CYFIP1: variants seen among roughly 807,000 people sequenced by gnomAD.
The protein encoded by CYFIP1 is cytoplasmic FMR1-interacting protein 1.
A neutral mutation model predicts 163.5 loss-of-function variants in CYFIP1; 58 were observed. The observed-to-expected ratio is 0.35, with a 90% confidence interval of 0.29 to 0.44. The LOEUF (loss-of-function observed/expected upper bound fraction) is 0.44, where lower values mean the gene tolerates loss of function less well. Ranked by LOEUF, CYFIP1 falls within the 20% of genes least tolerant of loss-of-function variation. The pLI is 1.00. For missense variants in CYFIP1, 1,338 were observed against 1,653.8 expected (o/e 0.81, Z 3.31); for synonymous variants, 663 against 660.7 (o/e 1.00, Z -0.05).
chr15:22,923,312 A>G (rs1013610645), intron 13 of CYFIP1, among the ~76,000 whole-genome samples: 2 of 152,194 alleles, frequency 1.3e-5, no homozygotes, highest in African/African-American at 4.8e-5. Context: ...ATCTGAAGAG[A>G]CATTTCTCCA....
rs1001976438 is a variant in CYFIP1 at position 22,910,410 on chromosome 15, C to A, written c.2268+110G>T. On this transcript the variant is annotated intron_variant, in intron 20 of 30. Transcript: ENST00000617928. ...CTCCTAACCTCAGGTGATCCGCCCA[C>A]CTTGGCCTCCCAGTGTTGGGATTAC... is the stretch of plus-strand genomic sequence containing the variant. The A allele has an allele frequency of 3.5e-5, 29 of 827,154 alleles. No homozygotes were observed. The Admixed American group carries it at 4.1e-4, about 12-fold the overall frequency. The allele number at this position is 827,154 out of a possible 1,614,324, so 51.2% of individuals were successfully genotyped here.
chr15:22,919,590 T>C (rs1296803729), intron 13 of CYFIP1, among the ~76,000 whole-genome samples: 1 of 152,146 alleles, frequency 6.6e-6, no homozygotes, highest in Non-Finnish European at 1.5e-5. Context: ...TTACCCCAAG[T>C]CCACCCTGCC....
At chr15:22,925,164 A>T (rs1355077231) in intron 13 of CYFIP1, among the ~76,000 whole-genome samples, 2 of 152,184 alleles carry the variant, frequency 1.3e-5, no homozygotes, top group African/African-American at 4.8e-5. Flanking sequence ...TCCTGTCATG[A>T]TCCATAGGAT....
At chr15:22,900,647 G>A (rs1265556036) in intron 22 of CYFIP1, among the ~76,000 whole-genome samples, 6 of 151,448 alleles carry the variant, frequency 4.0e-5, no homozygotes, top group South Asian at 2.1e-4. Context: ...GGATCTGCCC[G>A]CCTCGGCCTC....
chr15:22,918,665 C>G, intron 14 of CYFIP1, 27 bp downstream of exon 14: 1 of 1,533,658 alleles, frequency 6.5e-7, no homozygotes, highest in South Asian at 1.3e-5. Flanking sequence ...GTGGGCACAG[C>G]GGGCACAGGG....
chr15:22,928,080 C>T, intron 11 of CYFIP1, 52 bp from the exon 12 acceptor site: 2 of 1,439,714 alleles, frequency 1.4e-6, no homozygotes, highest in Non-Finnish European at 9.1e-7. Flanking sequence ...CACCCAGCTC[C>T]CCCCATCCCG....
Position 22,971,546 on chromosome 15 carries a change from C to A in CYFIP1, c.-7+8741G>T, listed in dbSNP as rs1445025435. Reference sequence around the variant, plus strand: ...AATTAGCCAGGCGTGGTAGTGGGCGCCTGTAATCCCAGCTTGAGTAGCTTG... The same window carrying A: ...AATTAGCCAGGCGTGGTAGTGGGCGACTGTAATCCCAGCTTGAGTAGCTTG... On this transcript the variant is annotated intron_variant, in intron 1 of 30. Coordinates refer to ENST00000617928, the MANE Select transcript of CYFIP1 (RefSeq NM_014608.6). 2.6e-5 allele frequency among the ~76,000 whole-genome samples: 4 copies of A among 152,046 alleles called. No homozygotes were observed. The South Asian group carries it at 8.3e-4, about 32-fold the overall frequency.
Position 22,939,556 on chromosome 15 carries a change from T to TAAAAA in CYFIP1, c.570-50_570-49insTTTTT, listed in dbSNP as rs1567003004. 2.1e-4 allele frequency: 88 copies of TAAAAA among 410,744 alleles called. 1 individual carries two copies. The highest frequency in any genetic ancestry group is 1.8e-3 in the Middle Eastern group (2 of 1,114). The allele number at this position is 410,744 out of a possible 1,614,324, so 25.4% of individuals were successfully genotyped here. ...CCCAAAATGCACCAACGTGCCACATTTAAAAAAAAAAAAAAAAAAAAAAAA... is the reference window on the plus strand; with the variant it reads ...CCCAAAATGCACCAACGTGCCACATTAAAAATAAAAAAAAAAAAAAAAAAAAAAAA... On this transcript the variant is annotated intron_variant, in intron 6 of 30. Coordinates refer to ENST00000617928, the MANE Select transcript of CYFIP1 (RefSeq NM_014608.6).
At chr15:22,959,778 C>T (rs1212917171) in intron 1 of CYFIP1, among the ~76,000 whole-genome samples, 1 of 152,172 alleles carries the variant, frequency 6.6e-6, no homozygotes, top group Admixed American at 6.5e-5. Context: ...GCGATCGAGC[C>T]CCGTGCTCCC....
chr15:22,927,173 A>G, intron 12 of CYFIP1, among the ~76,000 whole-genome samples: 1 of 152,142 alleles, frequency 6.6e-6, no homozygotes, highest in Non-Finnish European at 1.5e-5. Flanking sequence ...TGTCTGTACA[A>G]AAAAAACCAA....
In CYFIP1 at chr15:22,918,779, A is replaced by G. The variant is rs770598255; in HGVS notation, c.1439T>C (p.Val480Ala). The G allele has an allele frequency of 2.5e-5, 40 of 1,613,298 alleles. No individual in the cohort carries two copies. ...GGAGAAGTCCTGCAGTGCGGCATAG[A>G]CGGTGTGCCGGATGGCGTGGTTGAA... Reference protein sequence around the residue: ...SVFNHAIRHTVYAALQDFSQV... With the variant: ...SVFNHAIRHTAYAALQDFSQV... The change falls in exon 14 of 31, where the codon GTC (valine) becomes GCC (alanine). Residue 480 changes from valine to alanine, a missense_variant. Val to Ala is a moderately conservative substitution (Grantham distance 64, BLOSUM62 0). Coordinates refer to ENST00000617928, the MANE Select transcript of CYFIP1 (RefSeq NM_014608.6).
At chr15:22,926,238 G>A in intron 12 of CYFIP1, 131 bp from the exon 13 acceptor site, 2 of 1,328,560 alleles carry the variant, frequency 1.5e-6, no homozygotes, top group Non-Finnish European at 2.1e-6. Context: ...AGTCACACAT[G>A]AGGGCGCACA....
rs368224866 is a variant in CYFIP1, at chr15:22,925,997, C to T, written c.1344G>A (p.Lys448=). The change falls in exon 13 of 31, where the codon AAG becomes AAA. Residue 448 remains lysine (K), a synonymous_variant. Coordinates refer to ENST00000617928, the MANE Select transcript of CYFIP1 (RefSeq NM_014608.6). ...ATRYNYTSEE[K]FALVEVIAMI... ...GCATCCTCACCTCCACTAGGGCAAA[C>T]TTCTCCTCGCTGGTGTAGTTGTAGC... 3.1e-6 allele frequency: 5 copies of T among 1,613,828 alleles called. No individual in the cohort carries two copies. The highest frequency in any genetic ancestry group is 4.2e-6 in the Non-Finnish European group (5 of 1,179,796).
At chr15:22,964,353 TCACA>T (rs71117466) in intron 1 of CYFIP1, among the ~76,000 whole-genome samples, 4,175 of 78,498 alleles carry the variant, frequency 0.053, 105 homozygotes, top group Middle Eastern at 0.078. Context: ...ACCTCATCAC[TCACA>T]CACACACACA....
chr15:22,956,660 G>A (rs28370870), intron 1 of CYFIP1, among the ~76,000 whole-genome samples: 23,672 of 152,088 alleles, frequency 0.16, 2,345 homozygotes, highest in East Asian at 0.41. Context: ...TGGCCAGGAA[G>A]GGTGGGGGCT....
Position 22,881,928 on chromosome 15 carries a change from G to C in CYFIP1, c.2829C>G (p.Gly943=), listed in dbSNP as rs1566923134. 6.2e-7 allele frequency: 1 copy of C among 1,612,128 alleles called. No homozygotes were observed. The highest frequency in any genetic ancestry group is 8.5e-7 in the Non-Finnish European group (1 of 1,179,920). ...LLKVVKSLLQ[G]TILQYVKTLM... ...GCGTCTTCACGTACTGCAGGATTGT[G>C]CCTTGCAGCTGCCGGGGAGATGAGA... is the stretch of plus-strand genomic sequence containing the variant. The change falls in exon 25 of 31, where the codon GGC becomes GGG. Residue 943 remains glycine, a synonymous_variant. Transcript: ENST00000617928.
chr15:22,968,619 C>T (rs758169081), intron 1 of CYFIP1, among the ~76,000 whole-genome samples: 2 of 152,178 alleles, frequency 1.3e-5, no homozygotes, highest in Non-Finnish European at 2.9e-5. Flanking sequence ...TCACCTCTAC[C>T]ACCTCCACAC....
chr15:22,870,382 G>A (rs2059400129), intron 30 of CYFIP1, among the ~76,000 whole-genome samples, 190 bp from the exon 31 acceptor site: 1 of 152,016 alleles, frequency 6.6e-6, no homozygotes, highest in Admixed American at 6.6e-5. Flanking sequence ...GAGTGCAGTG[G>A]CATGATCACG....
In CYFIP1 at chr15:22,914,675, A is replaced by AC. The variant is rs372649923; in HGVS notation, c.1985+50dup. ...GGCCTCTCCGCCACCTCCTCTGAGGACCCCCGGTCACCACACACAAAGGCT... is the reference window on the plus strand; with the variant it reads ...GGCCTCTCCGCCACCTCCTCTGAGGACCCCCCGGTCACCACACACAAAGGCT... On this transcript the variant is annotated intron_variant, in intron 17 of 30. Transcript: ENST00000617928. 8 of 1,539,714 alleles carry AC rather than the reference A, an allele frequency of 5.2e-6. No homozygotes were observed. The African/African-American group carries it at 1.1e-4, about 21-fold the overall frequency.
Sources: gnomAD v4.1 joint callset for allele counts (sites outside exome capture counted in the v4.1 genomes callset) on GRCh38, gnomAD v4.1.1 for gene constraint, MANE v1.5 for transcripts, NCBI Gene and HGNC (gene_info 2026-07-23, HGNC 2026-07-21) for gene names.